The following SPATA12 variants were observed in gnomAD, a reference collection of about 807,000 sequenced individuals.
SPATA12 encodes spermatogenesis associated 12, also known as spermatogenesis-associated protein 12.
For synonymous variants in SPATA12, 85 were observed against 89.2 expected (o/e 0.95, Z 0.26); for missense variants, 219 against 226.4 (o/e 0.97, Z 0.21).
At chr3:57,063,266 C>T (rs1705333528) in intron 1 of SPATA12, among the ~76,000 whole-genome samples, 1 of 148,538 alleles carries the variant, frequency 6.7e-6, no homozygotes, top group South Asian at 2.1e-4. Flanking sequence ...GAAATGCAGC[C>T]AGATCACATG....
At chr3:57,061,696 T>C (rs1396546048) in intron 1 of SPATA12, among the ~76,000 whole-genome samples, 1 of 152,214 alleles carries the variant, frequency 6.6e-6, no homozygotes, top group Non-Finnish European at 1.5e-5. Flanking sequence ...TATGTTTAAC[T>C]CCTGTTACAC....
chr3:57,063,486 G>A (rs917778425), intron 1 of SPATA12, among the ~76,000 whole-genome samples: 14 of 152,174 alleles, frequency 9.2e-5, no homozygotes, highest in Admixed American at 2.0e-4. Flanking sequence ...TGGTAGGAGC[G>A]GGAGGGGAGC....
At chr3:57,067,913 C>G (rs1395301260) in intron 1 of SPATA12, among the ~76,000 whole-genome samples, 4 of 151,960 alleles carry the variant, frequency 2.6e-5, no homozygotes, top group Non-Finnish European at 5.9e-5. Flanking sequence ...TGGCGTGAAC[C>G]TGGGAGGCAG....
chr3:57,062,837 T>C (rs1032469038), intron 1 of SPATA12, among the ~76,000 whole-genome samples: 1 of 152,140 alleles, frequency 6.6e-6, no homozygotes. Flanking sequence ...TTTACCAAAC[T>C]TTTCTTTACG....
intron 1 of SPATA12, among the ~76,000 whole-genome samples, chr3:57,064,492 G>A (rs1168035989): frequency 6.6e-6 from 1 of 151,958 alleles, no homozygotes; most frequent in Non-Finnish European, 1.5e-5. Context: ...CCAGCAAATT[G>A]CTGTATTTTT....
chr3:57,074,269 C>G lies in SPATA12; in HGVS notation c.*2C>G. The G allele has an allele frequency of 1.2e-6, 2 of 1,604,572 alleles. No homozygotes were observed. Among genetic ancestry groups the G allele is most frequent in the Non-Finnish European group, 1.7e-6 (2 of 1,173,366 alleles). On this transcript the variant is annotated 3_prime_UTR_variant, in exon 2 of 2. Transcript: ENST00000334325. ...ACACACATACACACACATCTGTAAT[C>G]AATAATAATCCTGCAACATCTGAGA...
Position 57,074,154 on chromosome 3 carries a change from G to A in SPATA12, c.460G>A (p.Glu154Lys), listed in dbSNP as rs780220057. ...GAGACTGTGTGAGGATATAGATGCC[G>A]AGCCCAGTAGCACAGGGTGCAGCCG... ...LWRLCEDIDA[E>K]PSSTGCSRSN... The change falls in exon 2 of 2, where the codon GAG becomes AAG. Residue 154 changes from glutamate to lysine, a missense_variant. By Grantham distance (56) the Glu-to-Lys change is moderately conservative (BLOSUM62 1). Transcript: ENST00000334325. 32 of 1,614,110 alleles carry A rather than the reference G, an allele frequency of 2.0e-5. No homozygotes were observed. Among genetic ancestry groups the A allele is most frequent in the Non-Finnish European group, 2.4e-5 (28 of 1,180,026 alleles).
intron 1 of SPATA12, among the ~76,000 whole-genome samples, chr3:57,063,720 AG>A (rs1705367184): frequency 1.3e-5 from 2 of 152,260 alleles, no homozygotes; most frequent in South Asian, 4.1e-4. Context: ...GCTGGTAGTC[AG>A]GAAGGATGGC....
At chr3:57,062,664 G>A (rs1705293066) in intron 1 of SPATA12, among the ~76,000 whole-genome samples, 1 of 152,044 alleles carries the variant, frequency 6.6e-6, no homozygotes, top group Non-Finnish European at 1.5e-5. Flanking sequence ...ATATCTGGTG[G>A]GAATGACAGG....
intron 1 of SPATA12, among the ~76,000 whole-genome samples, chr3:57,063,405 C>A (rs1705341973): frequency 6.6e-6 from 1 of 152,078 alleles, no homozygotes; most frequent in African/African-American, 2.4e-5. Context: ...TGAGAACAAG[C>A]TGAAAGGAGG....
At chr3:57,061,574 A>G (rs1402264917) in intron 1 of SPATA12, among the ~76,000 whole-genome samples, 3 of 152,194 alleles carry the variant, frequency 2.0e-5, no homozygotes, top group Non-Finnish European at 4.4e-5. Flanking sequence ...CCTTTTGGCT[A>G]TTGTGAATAA....
At position 57,074,846 on chromosome 3, in the gene SPATA12, C is replaced by T. The variant is rs1159880544; in HGVS notation, c.*579C>T. ...CATTCCCCAGGTGGCAGTTTCAGAA[C>T]ACATTGCTCAGGTCTCACCCTGTAA... On this transcript the variant is annotated 3_prime_UTR_variant, in exon 2 of 2. Transcript: ENST00000334325. The T allele has an allele frequency of 5.9e-6, 1 of 168,408 alleles. No homozygotes were observed. Among genetic ancestry groups the T allele is most frequent in the Non-Finnish European group, 1.4e-5 (1 of 69,146 alleles). The allele number at this position is 168,408 out of a possible 1,614,324, so 10.4% of individuals were successfully genotyped here. A position where few individuals can be genotyped will look rare whatever the true frequency, so the allele number is the denominator to read the frequency against.
At chr3:57,061,511 T>G (rs939975793) in intron 1 of SPATA12, among the ~76,000 whole-genome samples, 1 of 152,208 alleles carries the variant, frequency 6.6e-6, no homozygotes, top group Admixed American at 6.5e-5. Flanking sequence ...TGTATGTACA[T>G]ACCACATTTT....
intron 1 of SPATA12, among the ~76,000 whole-genome samples, chr3:57,066,778 C>T (rs988133735): frequency 6.6e-6 from 1 of 152,116 alleles, no homozygotes; most frequent in Admixed American, 6.6e-5. Flanking sequence ...GGGCTTTATC[C>T]AATCAGCTAT....
At position 57,074,066 on chromosome 3, in the gene SPATA12, C is replaced by A. The variant is rs2107416408; in HGVS notation, c.372C>A (p.Asn124Lys). The change falls in exon 2 of 2, where the codon AAC becomes AAA. Residue 124 changes from asparagine (N) to lysine (K), a missense_variant. Asn to Lys is a moderately conservative substitution (Grantham distance 94). Transcript: ENST00000334325. ...GCAGTTGTGAGCAAGTTATTCATAA[C>A]TCTACACCTCAATTTCTTGGTATGG... is the stretch of plus-strand genomic sequence containing the variant. The part of the protein sequence containing the change: ...QQGSCEQVIH[N>K]STPQFLGMED... The A allele has an allele frequency of 6.2e-7, 1 of 1,614,148 alleles. No homozygotes were observed. Among genetic ancestry groups the A allele is most frequent in the Middle Eastern group, 1.6e-4 (1 of 6,062 alleles).
intron 1 of SPATA12, among the ~76,000 whole-genome samples, chr3:57,066,051 A>C (rs1191385312): frequency 2.2e-5 from 2 of 92,910 alleles, no homozygotes; most frequent in East Asian, 1.3e-3. Context: ...AAAAAAAAAA[A>C]ACCCTAAAAT....
intron 1 of SPATA12, among the ~76,000 whole-genome samples, chr3:57,065,746 AG>A (rs1162024108): frequency 6.6e-6 from 1 of 152,152 alleles, no homozygotes; most frequent in Non-Finnish European, 1.5e-5. Context: ...CACCACAGCT[AG>A]GTGGTAGCCT....
chr3:57,069,119 C>A (rs1705734343), intron 1 of SPATA12, among the ~76,000 whole-genome samples: 1 of 152,014 alleles, frequency 6.6e-6, no homozygotes, highest in Non-Finnish European at 1.5e-5. Flanking sequence ...GACGGGGTTT[C>A]ACCATCTTGG....
intron 1 of SPATA12, among the ~76,000 whole-genome samples, chr3:57,066,809 CG>C (rs1350635359): frequency 6.6e-5 from 10 of 152,056 alleles, no homozygotes; most frequent in Non-Finnish European, 1.5e-4. Flanking sequence ...AGAAAAAGAC[CG>C]ACCTCCCAGA....
Sources: gnomAD v4.1 joint callset for allele counts (sites outside exome capture counted in the v4.1 genomes callset) on GRCh38, gnomAD v4.1.1 for gene constraint, MANE v1.5 for transcripts, NCBI Gene and HGNC (gene_info 2026-07-23, HGNC 2026-07-21) for gene names.